HNF1B: variants seen among roughly 807,000 people sequenced by gnomAD.
HNF1B encodes hepatocyte nuclear factor 1-beta.
HNF1B carries 8 observed loss-of-function variants against 61.7 expected under a neutral mutation model. The observed-to-expected ratio is 0.13, with a 90% confidence interval of 0.08 to 0.23. HNF1B has a LOEUF of 0.23. Among genes scored for constraint, HNF1B ranks in the 10% least tolerant of loss-of-function variants. HNF1B has a pLI of 1.00. For missense variants in HNF1B, 562 were observed against 714.5 expected, an observed-to-expected ratio of 0.79 and a Z score of 2.43; for synonymous variants, 314 against 287.7, an observed-to-expected ratio of 1.09 and a Z score of -0.93.
intron 8 of HNF1B, among the ~76,000 whole-genome samples, chr17:37,698,474 A>G (rs549425745): frequency 6.6e-6 from 1 of 152,214 alleles, no homozygotes; most frequent in South Asian, 2.1e-4. Flanking sequence ...CCCCACTTTC[A>G]GTGCAGCAGG....
At chr17:37,695,205 G>A (rs1235464067) in intron 8 of HNF1B, among the ~76,000 whole-genome samples, 3 of 152,250 alleles carry the variant, frequency 2.0e-5, no homozygotes, top group Non-Finnish European at 4.4e-5. Flanking sequence ...TGCTGCTCTA[G>A]CTTCAGCCCT....
At chr17:37,732,849 GT>G (rs56385838) in intron 3 of HNF1B, among the ~76,000 whole-genome samples, 12 of 148,620 alleles carry the variant, frequency 8.1e-5, no homozygotes, top group African/African-American at 2.5e-4. Flanking sequence ...TTGTTTTTTT[GT>G]TTTTTTTTTA....
chr17:37,709,470 G>A (rs1334672238), intron 5 of HNF1B, among the ~76,000 whole-genome samples: 1 of 151,778 alleles, frequency 6.6e-6, no homozygotes, highest in Non-Finnish European at 1.5e-5. Flanking sequence ...GTCCAGGCTG[G>A]TCTCAAACTT....
At position 37,686,927 on chromosome 17, in the gene HNF1B, T is replaced by G; in HGVS notation, c.*445A>C. 2 of 341,530 alleles carry G rather than the reference T, an allele frequency of 5.9e-6. No individual in the cohort carries two copies. Among genetic ancestry groups the G allele is most frequent in the South Asian group, 3.0e-5 (1 of 33,322 alleles). 21.2% of individuals were successfully genotyped at this position (341,530 alleles called of 1,614,324 possible). A position where few individuals can be genotyped will look rare whatever the true frequency, so the allele number is the denominator to read the frequency against. ...TTCTTTAAAAGAAATCTCAAGATCA[T>G]TTGGGATGGGGGCAGGGGAGGGAGT... On this transcript the variant is annotated 3_prime_UTR_variant, in exon 9 of 9. Transcript: ENST00000617811.
intron 8 of HNF1B, among the ~76,000 whole-genome samples, chr17:37,687,621 A>C (rs2032023459): frequency 6.6e-6 from 1 of 152,154 alleles, no homozygotes; most frequent in Non-Finnish European, 1.5e-5. Context: ...GAAAGAAGTG[A>C]ATTGCTGGGG....
chr17:37,724,936 G>GTGTA (rs1466797656), intron 4 of HNF1B, among the ~76,000 whole-genome samples: 254 of 71,916 alleles, frequency 3.5e-3, no homozygotes, highest in Non-Finnish European at 6.6e-3. Context: ...GTGTGTGTGT[G>GTGTA]TATATATATA....
chr17:37,690,943 A>G (rs1052557959), intron 8 of HNF1B, among the ~76,000 whole-genome samples: 3 of 152,164 alleles, frequency 2.0e-5, no homozygotes, highest in Non-Finnish European at 4.4e-5. Context: ...GGAGGAGATC[A>G]CCCAGGAGTG....
intron 4 of HNF1B, among the ~76,000 whole-genome samples, chr17:37,724,219 C>A (rs1294112390): frequency 6.6e-6 from 1 of 152,120 alleles, no homozygotes; most frequent in African/African-American, 2.4e-5. Flanking sequence ...GAATGAGAAT[C>A]TGTATCCTAA....
intron 2 of HNF1B, 94 bp downstream of exon 2, chr17:37,739,346 G>A: frequency 4.3e-6 from 5 of 1,157,380 alleles, no homozygotes; most frequent in Non-Finnish European, 6.5e-6. Context: ...GTGCTCACAA[G>A]GCCTTGTCGA....
chr17:37,738,878 T>C (rs1161468443), intron 2 of HNF1B, among the ~76,000 whole-genome samples: 2 of 152,174 alleles, frequency 1.3e-5, no homozygotes, highest in Non-Finnish European at 2.9e-5. Context: ...TCTACCAGTG[T>C]TGGTAAATGT....
intron 4 of HNF1B, among the ~76,000 whole-genome samples, chr17:37,721,337 A>G (rs2033307413): frequency 6.6e-6 from 1 of 152,142 alleles, no homozygotes; most frequent in Non-Finnish European, 1.5e-5. Flanking sequence ...TGAGGGAGAG[A>G]AGGAGAGAGA....
chr17:37,700,520 G>C (rs2147445267), intron 7 of HNF1B, among the ~76,000 whole-genome samples: 1 of 152,342 alleles, frequency 6.6e-6, no homozygotes, highest in Non-Finnish European at 1.5e-5. Context: ...CGGGACTCTA[G>C]AAGATTCTTC....
At chr17:37,688,703 G>A (rs552302022) in intron 8 of HNF1B, among the ~76,000 whole-genome samples, 2 of 152,272 alleles carry the variant, frequency 1.3e-5, no homozygotes, top group East Asian at 3.9e-4. Flanking sequence ...CTCTCTCTGT[G>A]CCTCAGTTTC....
intron 4 of HNF1B, among the ~76,000 whole-genome samples, chr17:37,721,838 T>C (rs2033328987): frequency 6.6e-6 from 1 of 151,400 alleles, no homozygotes; most frequent in South Asian, 2.1e-4. Context: ...GAGACAAAAA[T>C]AAGCAGCCTG....
chr17:37,740,670 G>A (rs2033966945), intron 1 of HNF1B, among the ~76,000 whole-genome samples: 1 of 151,408 alleles, frequency 6.6e-6, no homozygotes, highest in African/African-American at 2.4e-5. Context: ...CCACCTTCCA[G>A]ACAAAATCTA....
rs1203864436 is a variant in HNF1B, at chr17:37,686,876, A to G, written c.*496T>C. The G allele has an allele frequency of 1.4e-5, 4 of 296,278 alleles. No homozygotes were observed. The highest frequency in any genetic ancestry group is 8.6e-5 in the African/African-American group (4 of 46,252). 18.4% of individuals were successfully genotyped at this position (296,278 alleles called of 1,614,324 possible). The stretch of plus-strand genomic sequence containing the variant: ...ATTGCACTTAATTACAGTAGTTTAT[A>G]GTTTACAGCCATTGGACAAATTTAC... On this transcript the variant is annotated 3_prime_UTR_variant, in exon 9 of 9. Coordinates refer to ENST00000617811, the MANE Select transcript of HNF1B (RefSeq NM_000458.4).
At chr17:37,695,949 T>C (rs1231540578) in intron 8 of HNF1B, among the ~76,000 whole-genome samples, 1 of 152,174 alleles carries the variant, frequency 6.6e-6, no homozygotes, top group Non-Finnish European at 1.5e-5. Context: ...TGGGAAGGGA[T>C]GACTGTATTT....
intron 5 of HNF1B, among the ~76,000 whole-genome samples, chr17:37,709,417 T>C (rs2032859937): frequency 6.6e-6 from 1 of 150,684 alleles, no homozygotes; most frequent in African/African-American, 2.5e-5. Context: ...TCCTGGCTAA[T>C]TTTTGTATTT....
At chr17:37,726,961 C>G (rs1044774331) in intron 4 of HNF1B, among the ~76,000 whole-genome samples, 1 of 152,064 alleles carries the variant, frequency 6.6e-6, no homozygotes, top group Non-Finnish European at 1.5e-5. Context: ...GACCTTTTAC[C>G]CCTCCTCTCC....
Sources: gnomAD v4.1 joint callset for allele counts (sites outside exome capture counted in the v4.1 genomes callset) on GRCh38, gnomAD v4.1.1 for gene constraint, MANE v1.5 for transcripts, NCBI Gene and HGNC (gene_info 2026-07-23, HGNC 2026-07-21) for gene names.